CNTNAP2: variants seen among roughly 807,000 people sequenced by gnomAD.
The protein encoded by CNTNAP2 is contactin-associated protein-like 2.
A neutral mutation model predicts 155.2 loss-of-function variants in CNTNAP2; 98 were observed. The ratio of observed to expected loss-of-function variants is 0.63; its 90% CI spans 0.54 to 0.75. CNTNAP2 has a LOEUF of 0.75. Ranked by LOEUF, CNTNAP2 falls within the 30% of genes least tolerant of loss-of-function variation. The pLI is 0.00. For missense variants in CNTNAP2, 1,727 were observed against 1,688.1 expected (o/e 1.02, Z -0.40); for synonymous variants, 651 against 631.2 (o/e 1.03, Z -0.47).
chr7:146,574,178 C>T (rs1329470046), intron 1 of CNTNAP2, among the ~76,000 whole-genome samples: 5 of 133,236 alleles, frequency 3.8e-5, no homozygotes, highest in Non-Finnish European at 7.9e-5. Flanking sequence ...TCTCCTTAAT[C>T]CCTTCACTTC....
At chr7:147,308,469 T>A (rs1466701175) in intron 9 of CNTNAP2, among the ~76,000 whole-genome samples, 1 of 152,144 alleles carries the variant, frequency 6.6e-6, no homozygotes, top group Non-Finnish European at 1.5e-5. Flanking sequence ...CAATTCTGCA[T>A]ACACATTTGG....
intron 1 of CNTNAP2, among the ~76,000 whole-genome samples, chr7:146,722,035 C>T (rs1415143707): frequency 3.3e-5 from 5 of 149,758 alleles, no homozygotes; most frequent in Non-Finnish European, 7.4e-5. Context: ...TTACAGGTGC[C>T]GGCTACCATG....
intron 15 of CNTNAP2, among the ~76,000 whole-genome samples, chr7:148,103,262 G>T (rs1242007625): frequency 6.6e-6 from 1 of 151,016 alleles, no homozygotes; most frequent in Non-Finnish European, 1.5e-5. Flanking sequence ...GTGGAGGCAG[G>T]TTTGCCCTAA....
chr7:147,218,945 G>A (rs1323804028), intron 8 of CNTNAP2, among the ~76,000 whole-genome samples: 1 of 152,078 alleles, frequency 6.6e-6, no homozygotes, highest in East Asian at 1.9e-4. Flanking sequence ...TATTATCATA[G>A]TTCATTTTGA....
intron 8 of CNTNAP2, chr7:147,161,905 C>G (rs963153766): frequency 1.3e-5 from 2 of 152,094 alleles, no homozygotes; most frequent in Non-Finnish European, 2.9e-5. Context: ...TGTTCCAGAA[C>G]AAAAGGAGAG....
chr7:148,262,416 A>G (rs756685068), intron 20 of CNTNAP2, among the ~76,000 whole-genome samples: 4 of 152,188 alleles, frequency 2.6e-5, no homozygotes, highest in African/African-American at 4.8e-5. Flanking sequence ...TGCATTTACT[A>G]TCTCACAGTT....
chr7:147,661,479 A>G (rs1795607078), intron 13 of CNTNAP2, among the ~76,000 whole-genome samples: 1 of 152,106 alleles, frequency 6.6e-6, no homozygotes, highest in Non-Finnish European at 1.5e-5. Flanking sequence ...GTATGCCTCG[A>G]CAAGGCTTTG....
At chr7:146,551,302 C>A (rs1362783794) in intron 1 of CNTNAP2, among the ~76,000 whole-genome samples, 1 of 152,044 alleles carries the variant, frequency 6.6e-6, no homozygotes, top group Non-Finnish European at 1.5e-5. Flanking sequence ...CTCCACCCCA[C>A]AACAGGCCCC....
intron 1 of CNTNAP2, among the ~76,000 whole-genome samples, chr7:146,613,820 A>G (rs1454410968): frequency 6.8e-6 from 1 of 146,126 alleles, no homozygotes; most frequent in Admixed American, 6.9e-5. Context: ...CATGATCTTT[A>G]AGTGTTCTTT....
intron 14 of CNTNAP2, among the ~76,000 whole-genome samples, chr7:147,914,007 A>T (rs1049723359): frequency 1.3e-5 from 2 of 151,416 alleles, no homozygotes; most frequent in Non-Finnish European, 1.5e-5. Context: ...GTACCATCTT[A>T]AAAAAAATAT....
intron 8 of CNTNAP2, among the ~76,000 whole-genome samples, chr7:147,186,282 A>C (rs1318635161): frequency 6.6e-6 from 1 of 152,188 alleles, no homozygotes. Flanking sequence ...TCTAATTATT[A>C]ATAATATATG....
chr7:146,641,253 G>T (rs572903231), intron 1 of CNTNAP2, among the ~76,000 whole-genome samples: 57 of 152,308 alleles, frequency 3.7e-4, no homozygotes, highest in South Asian at 3.7e-3. Flanking sequence ...CGTGAACCCA[G>T]AGGCGGAGCT....
chr7:147,581,883 A>G (rs1479498861), intron 12 of CNTNAP2, among the ~76,000 whole-genome samples: 3 of 152,146 alleles, frequency 2.0e-5, no homozygotes, highest in Non-Finnish European at 2.9e-5. Context: ...AGAAAATACA[A>G]TAGTAAGGGC....
intron 13 of CNTNAP2, among the ~76,000 whole-genome samples, chr7:147,766,993 C>T (rs890561354): frequency 1.8e-4 from 27 of 152,100 alleles, no homozygotes; most frequent in African/African-American, 6.5e-4. Context: ...GTTAAATCAT[C>T]AATATATTGT....
intron 2 of CNTNAP2, among the ~76,000 whole-genome samples, chr7:146,805,500 C>A (rs916524184): frequency 9.2e-5 from 14 of 151,986 alleles, no homozygotes; most frequent in African/African-American, 3.4e-4. Context: ...AGCCTGGGAG[C>A]AGGATCCAAT....
At position 146,398,314 on chromosome 7, in the gene CNTNAP2, C is replaced by A. The variant is rs1350085863; in HGVS notation, c.97+281341C>A. On this transcript the variant is annotated intron_variant, in intron 1 of 23. Coordinates refer to ENST00000361727, the MANE Select transcript of CNTNAP2 (RefSeq NM_014141.6). ...AGGAAGGAATCAGGGAACTTATAAT[C>A]ATGGTGGAAAGGGAAACAAGCATGT... Among the ~76,000 whole-genome samples the A allele has an allele frequency of 6.0e-5, 9 of 150,188 alleles. No homozygotes were observed. In the Admixed American group the frequency reaches 6.0e-4, roughly 10 times the overall value.
intron 8 of CNTNAP2, among the ~76,000 whole-genome samples, chr7:147,160,962 C>T (rs1256909187): frequency 6.6e-6 from 1 of 152,058 alleles, no homozygotes; most frequent in Non-Finnish European, 1.5e-5. Flanking sequence ...TACTGGGAAA[C>T]TATTGAAATA....
chr7:147,898,647 G>C (rs929773224), intron 13 of CNTNAP2, among the ~76,000 whole-genome samples: 5 of 152,004 alleles, frequency 3.3e-5, no homozygotes, highest in African/African-American at 4.8e-5. Context: ...AGCCTCCCAA[G>C]TAGCTGGGAT....
rs142069020 is a variant in CNTNAP2 at position 147,635,492 on chromosome 7, C to G, written c.1898-3614C>G. ...TTAGATACATTCCCTAGATCTGTATCTGTCATATCGTAAGCACTCAATAAT... is the reference window on the plus strand; with the variant it reads ...TTAGATACATTCCCTAGATCTGTATGTGTCATATCGTAAGCACTCAATAAT... On this transcript the variant is annotated intron_variant, in intron 12 of 23. Coordinates refer to ENST00000361727, the MANE Select transcript of CNTNAP2 (RefSeq NM_014141.6). 2.9e-3 allele frequency among the ~76,000 whole-genome samples: 438 copies of G among 152,172 alleles called. 4 individuals are homozygous for G. Among genetic ancestry groups the G allele is most frequent in the Non-Finnish European group, 5.2e-3 (356 of 68,018 alleles).
Sources: allele counts gnomAD v4.1 joint callset (sites outside exome capture counted in the v4.1 genomes callset), GRCh38; gene constraint gnomAD v4.1.1; transcripts MANE v1.5; gene names NCBI Gene and HGNC (gene_info 2026-07-23, HGNC 2026-07-21).